The following RASA3 variants were observed in gnomAD, a reference collection of about 807,000 sequenced individuals.
RASA3 encodes the protein ras GTPase-activating protein 3.
In RASA3, 73 loss-of-function variants were observed where a neutral mutation model predicts 110.0. That is an observed-to-expected ratio of 0.66 (90% CI 0.55 to 0.81). The LOEUF (loss-of-function observed/expected upper bound fraction) is 0.81, where lower values mean the gene tolerates loss of function less well. Ranked by LOEUF, RASA3 falls within the 30% of genes least tolerant of loss-of-function variation. The pLI, the probability that RASA3 is intolerant of heterozygous loss-of-function variation, is 0.00. For missense variants in RASA3, 976 were observed against 1,113.2 expected (o/e 0.88, Z 1.75); for synonymous variants, 500 against 451.4 (o/e 1.11, Z -1.37).
At chr13:114,127,843 A>C (rs72659587) in intron 1 of RASA3, among the ~76,000 whole-genome samples, 2 of 152,084 alleles carry the variant, frequency 1.3e-5, no homozygotes, top group Non-Finnish European at 2.9e-5. Context: ...GCCCAGATAA[A>C]TCCGTGGGTC....
chr13:114,105,585 C>T (rs2080122250), intron 1 of RASA3, among the ~76,000 whole-genome samples: 1 of 152,200 alleles, frequency 6.6e-6, no homozygotes. Context: ...CCTGACAAGG[C>T]CACAGGCACA....
At chr13:114,039,051 A>G (rs774752110) in intron 4 of RASA3, among the ~76,000 whole-genome samples, 2 of 152,252 alleles carry the variant, frequency 1.3e-5, no homozygotes, top group Non-Finnish European at 2.9e-5. Flanking sequence ...AAACCCACCC[A>G]GATGGGAAAA....
In RASA3 at chr13:114,007,553, C is replaced by G; in HGVS notation, c.1722G>C (p.Gln574His). 6.2e-7 allele frequency: 1 copy of G among 1,613,534 alleles called. No homozygotes were observed. Among genetic ancestry groups the G allele is most frequent in the Non-Finnish European group, 8.5e-7 (1 of 1,179,782 alleles). The part of the protein sequence containing the change: ...SGRRDPKSVE[Q>H]PIVLKEGFMI... ...CTTACCCTTCTTTAAGCACGATGGG[C>G]TGCTCAACACTCTTGGGGTCTCTTC... Residue 574 changes from glutamine (Q) to histidine (H), a missense_variant, in exon 18 of 24, where the codon CAG (glutamine) becomes CAC (histidine). Transcript: ENST00000334062.
chr13:114,114,068 C>G lies in RASA3; in HGVS notation c.55+18367G>C, dbSNP rs1427120771. Among the ~76,000 whole-genome samples, 1 of 152,244 alleles carries G rather than the reference C, an allele frequency of 6.6e-6. No homozygotes were observed. The highest frequency in any genetic ancestry group is 1.5e-5 in the Non-Finnish European group (1 of 68,052). Reference sequence around the variant, plus strand: ...ATAGCTCACACCGCATCCATCAATCCACCCACCACAGCAAGTGTCTGCGAT... The same window carrying G: ...ATAGCTCACACCGCATCCATCAATCGACCCACCACAGCAAGTGTCTGCGAT... On this transcript the variant is annotated intron_variant, in intron 1 of 23. Transcript: ENST00000334062. The surrounding 1 kb of genome is among the most constrained non-coding windows in gnomAD (Gnocchi z 4.8).
intron 16 of RASA3, among the ~76,000 whole-genome samples, chr13:114,010,712 T>C (rs1478137535): frequency 5.0e-3 from 1 of 202 alleles, no homozygotes; most frequent in African/African-American, 0.038. Flanking sequence ...GGGGAGGTAG[T>C]GCAGCATGGG....
chr13:114,018,355 G>A (rs1272898730), intron 10 of RASA3, 103 bp from the exon 11 acceptor site: 53 of 1,355,496 alleles, frequency 3.9e-5, no homozygotes, highest in Admixed American at 3.6e-4. Flanking sequence ...AATAGATACG[G>A]CTCTTTGCTG....
intron 1 of RASA3, among the ~76,000 whole-genome samples, chr13:114,087,473 T>G (rs1273696061): frequency 6.6e-6 from 1 of 152,202 alleles, no homozygotes; most frequent in South Asian, 2.1e-4. Flanking sequence ...CTCCTGGAGA[T>G]GGGCGCGCTA....
chr13:114,129,076 C>T lies in RASA3; in HGVS notation c.55+3359G>A, dbSNP rs918019816. On this transcript the variant is annotated intron_variant, in intron 1 of 23. Transcript: ENST00000334062. ...CACTGCGAGGGGAGGAGGCACTGCA[C>T]GCCTTGGGGGCGGGGGCCCCAAAAC... Among the ~76,000 whole-genome samples, 4 of 152,238 alleles carry T rather than the reference C, an allele frequency of 2.6e-5. No individual in the cohort carries two copies. The East Asian group carries it at 5.8e-4, about 22-fold the overall frequency.
At chr13:114,107,259 G>A (rs960097466) in intron 1 of RASA3, among the ~76,000 whole-genome samples, 21 of 151,886 alleles carry the variant, frequency 1.4e-4, no homozygotes, top group Admixed American at 6.6e-4. Flanking sequence ...CCTGGTCTTC[G>A]CAGGGGATGT....
At chr13:114,127,320 C>T (rs1463715236) in intron 1 of RASA3, among the ~76,000 whole-genome samples, 1 of 152,226 alleles carries the variant, frequency 6.6e-6, no homozygotes, top group African/African-American at 2.4e-5. Flanking sequence ...CAGTCCAGCA[C>T]CCTGGCTGAG....
chr13:114,001,718 C>T (rs974624135), intron 18 of RASA3, among the ~76,000 whole-genome samples: 4 of 151,780 alleles, frequency 2.6e-5, no homozygotes, highest in South Asian at 2.1e-4. Flanking sequence ...CCTGCGGCCG[C>T]GGGCTCGGGG....
rs544594736 is a variant in RASA3 at position 114,081,594 on chromosome 13, T to C, written c.56-7757A>G. The stretch of plus-strand genomic sequence containing the variant: ...CCAAACCCTGTCAGCTGGTTCTAAC[T>C]GTGCTCACTCTTATAAACAGGTAAT... On this transcript the variant is annotated intron_variant, in intron 1 of 23. Transcript: ENST00000334062. Among the ~76,000 whole-genome samples, 7 of 152,320 alleles carry C rather than the reference T, an allele frequency of 4.6e-5. No individual in the cohort carries two copies. In the South Asian group the frequency reaches 1.0e-3, roughly 23 times the overall value.
chr13:114,071,156 C>G (rs989085598), intron 2 of RASA3, among the ~76,000 whole-genome samples: 1 of 152,180 alleles, frequency 6.6e-6, no homozygotes, highest in Non-Finnish European at 1.5e-5. Flanking sequence ...CTTGCTCTGT[C>G]GCCCAGGCTG....
At chr13:114,034,191 G>C (rs1022969241) in intron 4 of RASA3, among the ~76,000 whole-genome samples, 2 of 152,166 alleles carry the variant, frequency 1.3e-5, no homozygotes, top group South Asian at 4.1e-4. Context: ...TAAAGGAGTG[G>C]CCTGACCACC....
intron 4 of RASA3, among the ~76,000 whole-genome samples, chr13:114,034,330 G>C (rs929453251): frequency 3.3e-5 from 5 of 152,264 alleles, no homozygotes; most frequent in Non-Finnish European, 7.3e-5. Flanking sequence ...TGCAGACGGA[G>C]GTAGCTCTAT....
intron 14 of RASA3, among the ~76,000 whole-genome samples, chr13:114,013,940 C>A (rs2053724872): frequency 1.1e-5 from 1 of 93,616 alleles, no homozygotes; most frequent in African/African-American, 5.4e-5. Flanking sequence ...CTCTCCCTGT[C>A]TCTATCTCTC....
intron 13 of RASA3, among the ~76,000 whole-genome samples, chr13:114,015,933 A>T (rs537723258): frequency 6.6e-6 from 1 of 152,156 alleles, no homozygotes; most frequent in South Asian, 2.1e-4. Context: ...GGGCATGCAG[A>T]CCGGATCACT....
chr13:114,072,848 G>A (rs1364090764), intron 2 of RASA3, among the ~76,000 whole-genome samples: 1 of 152,140 alleles, frequency 6.6e-6, no homozygotes, highest in Admixed American at 6.5e-5. Flanking sequence ...GGATGGTGAC[G>A]TACACGCTCG....
intron 1 of RASA3, among the ~76,000 whole-genome samples, chr13:114,097,939 G>T (rs1594450433): frequency 6.6e-6 from 1 of 152,202 alleles, no homozygotes; most frequent in Non-Finnish European, 1.5e-5. Flanking sequence ...CACCACAGGG[G>T]GTCCAGGGAG....
Sources: gnomAD v4.1 joint callset for allele counts (sites outside exome capture counted in the v4.1 genomes callset) on GRCh38, gnomAD v4.1.1 for gene constraint, Gnocchi (gnomAD v3.1) non-coding constraint, MANE v1.5 for transcripts, NCBI Gene and HGNC (gene_info 2026-07-23, HGNC 2026-07-21) for gene names.